Variants in NTM observed in about 807,000 individuals in gnomAD.
NTM encodes the protein neurotrimin.
In NTM, 13 loss-of-function variants were observed where a neutral mutation model predicts 42.1. The ratio of observed to expected loss-of-function variants is 0.31; its 90% confidence interval spans 0.20 to 0.49. The LOEUF is 0.49. NTM is among the 20% of genes least tolerant of loss of function. NTM has a pLI of 0.99. For synonymous variants in NTM, 187 were observed against 179.2 expected, an observed-to-expected ratio of 1.04 and a Z score of -0.35; for missense variants, 373 against 452.8, an observed-to-expected ratio of 0.82 and a Z score of 1.60.
intron 1 of NTM, among the ~76,000 whole-genome samples, chr11:131,634,201 T>C (rs990008391): frequency 6.6e-6 from 1 of 152,194 alleles, no homozygotes; most frequent in Non-Finnish European, 1.5e-5. Context: ...ATCTGTTTGA[T>C]TGCATTGTTG....
At chr11:132,136,854 T>C (rs571422700) in intron 2 of NTM, among the ~76,000 whole-genome samples, 37 of 152,248 alleles carry the variant, frequency 2.4e-4, no homozygotes, top group Admixed American at 5.2e-4. Context: ...GACAAAGAAT[T>C]GGAGGTGGAA....
At position 132,176,351 on chromosome 11, in the gene NTM, T is replaced by A. The variant is rs909950414; in HGVS notation, c.400+29837T>A. Among the ~76,000 whole-genome samples, 31 of 120,336 alleles carry A rather than the reference T, an allele frequency of 2.6e-4. 1 individual carries two copies. The highest frequency in any genetic ancestry group is 8.9e-4 in the African/African-American group (29 of 32,450). The allele number at this position is 120,336 out of a possible 152,430, so 78.9% of individuals were successfully genotyped here. On this transcript the variant is annotated intron_variant, in intron 3 of 8. Transcript: ENST00000683400. ...TCAATTATGGATATAGAAGCAACTT[T>A]CCAGGAAAAAAAAAAAGAAAAAAAA...
intron 1 of NTM, among the ~76,000 whole-genome samples, chr11:131,658,687 C>G (rs1453975216): frequency 6.6e-6 from 1 of 152,134 alleles, no homozygotes; most frequent in African/African-American, 2.4e-5. Context: ...AAGGTGTAAG[C>G]GGCCGGACGC....
At chr11:132,155,503 C>T (rs565397246) in intron 3 of NTM, among the ~76,000 whole-genome samples, 35 of 152,312 alleles carry the variant, frequency 2.3e-4, no homozygotes, top group African/African-American at 7.9e-4. Context: ...CGGTCTGGGT[C>T]GCATCCCGTT....
chr11:131,784,759 T>C (rs1418011826), intron 1 of NTM, among the ~76,000 whole-genome samples: 1 of 152,246 alleles, frequency 6.6e-6, no homozygotes, highest in Non-Finnish European at 1.5e-5. Flanking sequence ...TTTTATCACG[T>C]GCAAAATACA....
chr11:131,601,906 G>A (rs888494098), intron 1 of NTM, among the ~76,000 whole-genome samples: 2 of 152,144 alleles, frequency 1.3e-5, no homozygotes, highest in African/African-American at 4.8e-5. Flanking sequence ...TCATGAGCAA[G>A]ACATACTCCT....
chr11:132,066,962 T>C (rs973071150), intron 2 of NTM, among the ~76,000 whole-genome samples: 1 of 152,084 alleles, frequency 6.6e-6, no homozygotes, highest in African/African-American at 2.4e-5. Flanking sequence ...GAAACATTTT[T>C]TTTTTCTTTT....
intron 2 of NTM, among the ~76,000 whole-genome samples, chr11:132,010,783 C>G (rs1430907787): frequency 6.6e-6 from 1 of 152,056 alleles, no homozygotes; most frequent in Non-Finnish European, 1.5e-5. Context: ...TTGCCTATCA[C>G]AATTGTACAG....
chr11:132,194,506 C>G (rs2079857038), intron 3 of NTM, among the ~76,000 whole-genome samples: 1 of 152,112 alleles, frequency 6.6e-6, no homozygotes, highest in Non-Finnish European at 1.5e-5. Flanking sequence ...CTACAGTCAA[C>G]ATAATACTGA....
At chr11:131,918,591 T>C (rs912792575) in intron 2 of NTM, among the ~76,000 whole-genome samples, 3 of 152,182 alleles carry the variant, frequency 2.0e-5, no homozygotes, top group African/African-American at 7.2e-5. Context: ...AGCCTGGGAC[T>C]CAAGATGGGT....
intron 2 of NTM, among the ~76,000 whole-genome samples, chr11:131,915,810 G>A (rs575060829): frequency 2.6e-5 from 4 of 152,212 alleles, no homozygotes; most frequent in Non-Finnish European, 5.9e-5. Context: ...CAGATCCTGT[G>A]AGACTGATTC....
At chr11:132,102,547 C>T (rs1389298264) in intron 2 of NTM, among the ~76,000 whole-genome samples, 2 of 152,248 alleles carry the variant, frequency 1.3e-5, no homozygotes, top group Non-Finnish European at 2.9e-5. Context: ...GGAAAATATC[C>T]CTTCTTCTTA....
chr11:131,634,282 T>A (rs1372584575), intron 1 of NTM, among the ~76,000 whole-genome samples: 1 of 152,168 alleles, frequency 6.6e-6, no homozygotes, highest in Non-Finnish European at 1.5e-5. Context: ...CGTCGAAAAT[T>A]GGCTGAAATT....
chr11:131,659,529 C>T (rs1565386468), intron 1 of NTM, among the ~76,000 whole-genome samples: 1 of 152,214 alleles, frequency 6.6e-6, no homozygotes, highest in South Asian at 2.1e-4. Flanking sequence ...ATAATACCAA[C>T]TCAATTGTAT....
chr11:132,233,011 G>A lies in NTM; in HGVS notation c.526+20864G>A, dbSNP rs559488860. On this transcript the variant is annotated intron_variant, in intron 4 of 8. Coordinates refer to ENST00000683400, the MANE Select transcript of NTM (RefSeq NM_001352005.2). ...CTAACCATTTCACAAATGCTGTGGT[G>A]GAAGGGAGTCTAAGGAAATGAAGAG... Among the ~76,000 whole-genome samples the A allele has an allele frequency of 3.9e-5, 6 of 152,314 alleles. No homozygotes were observed. The South Asian group carries it at 1.2e-3, about 32-fold the overall frequency.
intron 7 of NTM, among the ~76,000 whole-genome samples, chr11:132,315,730 C>G (rs1433910682): frequency 6.6e-6 from 1 of 152,162 alleles, no homozygotes; most frequent in East Asian, 1.9e-4. Context: ...CTTCACCACA[C>G]GATCTCTGCT....
intron 2 of NTM, among the ~76,000 whole-genome samples, chr11:131,992,693 T>G (rs1379561799): frequency 3.3e-5 from 5 of 152,174 alleles, no homozygotes. Flanking sequence ...CTGAAAAGAT[T>G]GAATACTTTT....
chr11:132,176,998 A>G (rs2076929718), intron 3 of NTM, among the ~76,000 whole-genome samples: 1 of 151,898 alleles, frequency 6.6e-6, no homozygotes, highest in African/African-American at 2.4e-5. Flanking sequence ...CAAAGTGCCA[A>G]AGTGCTGGGG....
chr11:132,276,892 C>T (rs1211861812), intron 4 of NTM, among the ~76,000 whole-genome samples: 1 of 152,178 alleles, frequency 6.6e-6, no homozygotes, highest in Non-Finnish European at 1.5e-5. Context: ...AGTCCTATGA[C>T]TATCCGAGGT....
Sources: gnomAD v4.1 joint callset for allele counts (sites outside exome capture counted in the v4.1 genomes callset) on GRCh38, gnomAD v4.1.1 for gene constraint, MANE v1.5 for transcripts, NCBI Gene and HGNC (gene_info 2026-07-23, HGNC 2026-07-21) for gene names.